Variants in TMED3 observed in about 807,000 individuals in gnomAD.
The protein encoded by TMED3 is transmembrane emp24 domain-containing protein 3.
A neutral mutation model predicts 15.0 loss-of-function variants in TMED3; 9 were observed. The ratio of observed to expected loss-of-function variants is 0.60; its 90% confidence interval spans 0.36 to 1.04. TMED3 has a LOEUF of 1.04. Ranked by LOEUF, TMED3 falls within the 50% of genes least tolerant of loss-of-function variation. TMED3 has a pLI of 0.01. For missense variants in TMED3, 267 were observed against 278.9 expected (o/e 0.96, Z 0.30); for synonymous variants, 117 against 121.4 (o/e 0.96, Z 0.24).
Position 79,380,166 on chromosome 15 carries a change from C to T in TMED3, c.418-31234C>T, listed in dbSNP as rs950328763. On this transcript the variant is annotated intron_variant, in intron 2 of 2. Transcript: ENST00000424155. ...AGGAGTTCGAGACCAGCCTGACCAACATGGTGAAAACCTGTCTGTACTAAA... is the reference window on the plus strand; with the variant it reads ...AGGAGTTCGAGACCAGCCTGACCAATATGGTGAAAACCTGTCTGTACTAAA... Among the ~76,000 whole-genome samples, 7 of 152,106 alleles carry T rather than the reference C, an allele frequency of 4.6e-5. No individual in the cohort carries two copies. The East Asian group carries it at 1.4e-3, about 29-fold the overall frequency.
Position 79,321,991 on chromosome 15 carries a change from G to T in TMED3, c.431G>T (p.Cys144Phe). 1 of 1,614,154 alleles carries T rather than the reference G, an allele frequency of 6.2e-7. No homozygotes were observed. Among genetic ancestry groups the T allele is most frequent in the South Asian group, 1.1e-5 (1 of 91,072 alleles). The stretch of plus-strand genomic sequence containing the variant: ...CTTCCTGCCCAGATGGAGTCCGCCT[G>T]CGTGACCATCCATGAGGCTCTGAAA... The part of the protein sequence containing the change: ...VTALTQMESA[C>F]VTIHEALKTV... The change falls in exon 3 of 3, where the codon TGC (cysteine) becomes TTC (phenylalanine). Residue 144 changes from cysteine (C) to phenylalanine (F), a missense_variant. By Grantham distance (205) the Cys-to-Phe change is radical. Transcript: ENST00000299705.
downstream of TMED3, among the ~76,000 whole-genome samples, chr15:79,324,628 C>A: frequency 6.6e-6 from 1 of 152,214 alleles, no homozygotes; most frequent in Non-Finnish European, 1.5e-5. Flanking sequence ...TATTTAAATT[C>A]ATGATGAAAT....
intron 2 of TMED3, among the ~76,000 whole-genome samples, chr15:79,347,259 A>G (rs1430598571): frequency 6.6e-6 from 1 of 152,202 alleles, no homozygotes; most frequent in Non-Finnish European, 1.5e-5. Context: ...CATTACATAA[A>G]CAGAACTAAA....
intron 2 of TMED3, among the ~76,000 whole-genome samples, chr15:79,400,758 C>A (rs1893823542): frequency 1.3e-5 from 2 of 152,176 alleles, no homozygotes; most frequent in South Asian, 4.1e-4. Flanking sequence ...CTGGTATTTT[C>A]TTCTGAAAAA....
chr15:79,367,172 A>G (rs1893252315), intron 2 of TMED3, among the ~76,000 whole-genome samples: 8 of 152,186 alleles, frequency 5.3e-5, no homozygotes, highest in Admixed American at 5.2e-4. Flanking sequence ...AATGCATCTC[A>G]TATGGTGCCT....
At chr15:79,402,725 G>T (rs903245245) in intron 2 of TMED3, among the ~76,000 whole-genome samples, 1 of 151,976 alleles carries the variant, frequency 6.6e-6, no homozygotes, top group African/African-American at 2.4e-5. Context: ...GGTGGAAGTT[G>T]CAGTGAGCCG....
In TMED3 at chr15:79,374,575, A is replaced by T. The variant is rs1451604221; in HGVS notation, c.418-36825A>T. 2.6e-5 allele frequency among the ~76,000 whole-genome samples: 4 copies of T among 152,328 alleles called. No homozygotes were observed. The East Asian group carries it at 7.7e-4, about 29-fold the overall frequency. ...AAACTTTAGGTGGATTCAGTTAAAA[A>T]TTCCCACATGAAAAAAATGCATAAA... On this transcript the variant is annotated intron_variant, in intron 2 of 2. Transcript: ENST00000424155.
At chr15:79,349,396 G>A (rs1437297830) in intron 2 of TMED3, among the ~76,000 whole-genome samples, 2 of 152,134 alleles carry the variant, frequency 1.3e-5, no homozygotes, top group East Asian at 3.9e-4. Flanking sequence ...AATGGAGATT[G>A]CATCTGGGAA....
At chr15:79,319,490 A>G (rs2058754896) in intron 2 of TMED3, among the ~76,000 whole-genome samples, 1 of 152,144 alleles carries the variant, frequency 6.6e-6, no homozygotes, top group Non-Finnish European at 1.5e-5. Context: ...GAGAGAAACA[A>G]GGGTTTTGGG....
downstream of TMED3, among the ~76,000 whole-genome samples, chr15:79,327,014 G>T (rs1026680219): frequency 1.3e-5 from 2 of 152,162 alleles, no homozygotes; most frequent in Admixed American, 6.5e-5. Context: ...AGAGAGAGCG[G>T]TGAGGTGCCA....
intron 2 of TMED3, among the ~76,000 whole-genome samples, chr15:79,371,867 G>T (rs1208376777): frequency 6.6e-6 from 1 of 152,168 alleles, no homozygotes; most frequent in African/African-American, 2.4e-5. Context: ...AAACAAGATA[G>T]GCAGTGGCAG....
At chr15:79,364,559 G>A (rs1165357268) in intron 2 of TMED3, among the ~76,000 whole-genome samples, 4 of 151,662 alleles carry the variant, frequency 2.6e-5, no homozygotes, top group Non-Finnish European at 5.9e-5. Context: ...GTTGTCTTTT[G>A]GCCTGCCATG....
At chr15:79,386,428 A>G (rs767579279) in intron 2 of TMED3, among the ~76,000 whole-genome samples, 32 of 152,294 alleles carry the variant, frequency 2.1e-4, no homozygotes, top group Admixed American at 1.3e-4. Flanking sequence ...ATGTTATTAT[A>G]TGCTACATTG....
intron 2 of TMED3, among the ~76,000 whole-genome samples, chr15:79,359,024 G>A (rs1482682442): frequency 6.6e-6 from 1 of 152,132 alleles, no homozygotes; most frequent in East Asian, 1.9e-4. Flanking sequence ...AGAGAGTGCA[G>A]CAGCACCTCA....
At chr15:79,355,628 C>CA (rs1169530260) in intron 2 of TMED3, among the ~76,000 whole-genome samples, 1 of 152,200 alleles carries the variant, frequency 6.6e-6, no homozygotes, top group East Asian at 1.9e-4. Flanking sequence ...AAATACACTG[C>CA]AACCCTCAGC....
At chr15:79,364,590 A>G (rs953491925) in intron 2 of TMED3, among the ~76,000 whole-genome samples, 3 of 151,810 alleles carry the variant, frequency 2.0e-5, no homozygotes, top group Non-Finnish European at 4.4e-5. Context: ...GCACCCATAT[A>G]AACCCTGAAC....
intron 2 of TMED3, among the ~76,000 whole-genome samples, chr15:79,353,984 A>G (rs1164736447): frequency 3.3e-5 from 5 of 152,206 alleles, no homozygotes; most frequent in Admixed American, 3.3e-4. Context: ...TTGGGATCAC[A>G]AAGTCAGGAC....
At chr15:79,316,310 C>T (rs1293742054) in intron 2 of TMED3, among the ~76,000 whole-genome samples, 4 of 152,196 alleles carry the variant, frequency 2.6e-5, no homozygotes, top group Admixed American at 2.0e-4. Flanking sequence ...CAGGAGAATG[C>T]GACTTCAGGA....
At chr15:79,346,731 C>CCAT (rs1165841802) in intron 2 of TMED3, among the ~76,000 whole-genome samples, 1 of 152,128 alleles carries the variant, frequency 6.6e-6, no homozygotes, top group Non-Finnish European at 1.5e-5. Context: ...CAATCTCCTG[C>CCAT]CTATGGCTAG....
Sources: gnomAD v4.1 joint callset for allele counts (sites outside exome capture counted in the v4.1 genomes callset) on GRCh38, gnomAD v4.1.1 for gene constraint, MANE v1.5 for transcripts, NCBI Gene and HGNC (gene_info 2026-07-23, HGNC 2026-07-21) for gene names.